ADCY2: variants seen among roughly 807,000 people sequenced by gnomAD.
ADCY2 encodes the protein adenylate cyclase 2.
ADCY2 carries 31 observed loss-of-function variants against 125.2 expected under a neutral mutation model. The observed-to-expected ratio is 0.25, with a 90% CI of 0.19 to 0.33. ADCY2 has a LOEUF of 0.33. Ranked by LOEUF, ADCY2 falls within the 10% of genes least tolerant of loss-of-function variation. The pLI, the probability that ADCY2 is intolerant of heterozygous loss-of-function variation, is 1.00. For synonymous variants in ADCY2, 512 were observed against 548.4 expected (o/e 0.93, Z 0.93); for missense variants, 904 against 1,418.2 (o/e 0.64, Z 5.82).
At chr5:7,633,593 A>G (rs1410398162) in intron 4 of ADCY2, among the ~76,000 whole-genome samples, 3 of 152,234 alleles carry the variant, frequency 2.0e-5, no homozygotes. Context: ...AAATGATAAA[A>G]TTAAACCTTC....
At chr5:7,538,930 C>G (rs1409178912) in intron 3 of ADCY2, among the ~76,000 whole-genome samples, 3 of 144,324 alleles carry the variant, frequency 2.1e-5, no homozygotes, top group Non-Finnish European at 4.5e-5. Flanking sequence ...GTGGCACGAT[C>G]TCAGCTCACT....
chr5:7,424,163 G>A (rs969376507), intron 2 of ADCY2, among the ~76,000 whole-genome samples: 14 of 152,166 alleles, frequency 9.2e-5, no homozygotes, highest in Admixed American at 2.0e-4. Flanking sequence ...TGATCACATC[G>A]CAAAAATTGT....
At chr5:7,410,931 G>A (rs1292153900) in intron 1 of ADCY2, among the ~76,000 whole-genome samples, 2 of 152,068 alleles carry the variant, frequency 1.3e-5, no homozygotes, top group East Asian at 3.9e-4. Context: ...CCATCTGCTG[G>A]GAGCTGGACA....
intron 3 of ADCY2, among the ~76,000 whole-genome samples, chr5:7,606,547 A>G (rs1239502147): frequency 2.0e-5 from 3 of 152,226 alleles, no homozygotes; most frequent in Non-Finnish European, 1.5e-5. Context: ...ATTTAAATGC[A>G]ACATTTATTA....
intron 20 of ADCY2, among the ~76,000 whole-genome samples, chr5:7,790,512 A>G (rs150047829): frequency 6.6e-6 from 1 of 152,362 alleles, no homozygotes; most frequent in Non-Finnish European, 1.5e-5. Flanking sequence ...GAGAAAGCAG[A>G]TATGTCTACA....
chr5:7,521,378 T>C (rs1744440361), intron 3 of ADCY2, among the ~76,000 whole-genome samples: 1 of 152,232 alleles, frequency 6.6e-6, no homozygotes, highest in Non-Finnish European at 1.5e-5. Flanking sequence ...AGTAATTCTT[T>C]AAAATGGTAC....
rs1579558089 is a variant in ADCY2 at position 7,544,818 on chromosome 5, G to A, written c.570+23919G>A. ...GGGAAGTCCCTCCTCCTGGAGACAT[G>A]AGAAAAGGGAATCATGCAGAAATAA... On this transcript the variant is annotated intron_variant, in intron 3 of 24. Transcript: ENST00000338316. Among the ~76,000 whole-genome samples, 3 of 152,316 alleles carry A rather than the reference G, an allele frequency of 2.0e-5. 1 individual carries two copies. The South Asian group carries it at 6.2e-4, about 32-fold the overall frequency.
At chr5:7,748,351 C>G (rs1742694194) in intron 15 of ADCY2, among the ~76,000 whole-genome samples, 1 of 152,062 alleles carries the variant, frequency 6.6e-6, no homozygotes, top group African/African-American at 2.4e-5. Flanking sequence ...ACATCGGATG[C>G]TATTTAGCAT....
intron 2 of ADCY2, among the ~76,000 whole-genome samples, chr5:7,460,487 T>C (rs1218484614): frequency 2.0e-5 from 3 of 152,180 alleles, no homozygotes; most frequent in African/African-American, 7.2e-5. Context: ...GAAATATAAA[T>C]GTAAATGTTC....
intron 14 of ADCY2, among the ~76,000 whole-genome samples, chr5:7,728,311 C>T (rs1003313393): frequency 5.3e-5 from 8 of 152,154 alleles, no homozygotes; most frequent in African/African-American, 1.7e-4. Flanking sequence ...AGCCAAAAAC[C>T]ACTTTTGGGA....
At chr5:7,726,315 C>G (rs1245404090) in intron 13 of ADCY2, among the ~76,000 whole-genome samples, 1 of 152,122 alleles carries the variant, frequency 6.6e-6, no homozygotes, top group Admixed American at 6.5e-5. Flanking sequence ...TGCACTGTAT[C>G]TCACTGATTG....
intron 2 of ADCY2, among the ~76,000 whole-genome samples, chr5:7,506,936 C>T (rs1217825608): frequency 3.7e-4 from 55 of 150,316 alleles, no homozygotes; most frequent in African/African-American, 1.2e-3. Flanking sequence ...TACGGGCACC[C>T]GCCACCATGC....
intron 15 of ADCY2, among the ~76,000 whole-genome samples, chr5:7,753,655 A>G (rs1371459290): frequency 6.6e-6 from 1 of 152,218 alleles, no homozygotes. Flanking sequence ...ATTTTTCTAC[A>G]GAGCTACACA....
intron 2 of ADCY2, among the ~76,000 whole-genome samples, chr5:7,467,720 A>G (rs907858198): frequency 1.3e-5 from 2 of 152,254 alleles, no homozygotes; most frequent in African/African-American, 4.8e-5. Context: ...GAAGACTGTC[A>G]TATTCCTCTC....
intron 2 of ADCY2, among the ~76,000 whole-genome samples, chr5:7,429,203 G>A (rs1012017511): frequency 3.3e-5 from 5 of 152,142 alleles, no homozygotes; most frequent in Admixed American, 6.5e-5. Flanking sequence ...AGTGAGAAGG[G>A]GACATTGCCT....
At position 7,714,204 on chromosome 5, in the gene ADCY2, G is replaced by T. The variant is rs142632484; in HGVS notation, c.1622+1305G>T. On this transcript the variant is annotated intron_variant, in intron 11 of 24. Coordinates refer to ENST00000338316, the MANE Select transcript of ADCY2 (RefSeq NM_020546.3). ...CCATAAGACACCTGGAGACAGCACGGTGCCTCTGGCCAATAAGATGCTGAC... is the reference window on the plus strand; with the variant it reads ...CCATAAGACACCTGGAGACAGCACGTTGCCTCTGGCCAATAAGATGCTGAC... Among the ~76,000 whole-genome samples, 331 of 152,324 alleles carry T rather than the reference G, an allele frequency of 2.2e-3. 3 individuals are homozygous for T. The highest frequency in any genetic ancestry group is 7.6e-3 in the African/African-American group (316 of 41,574).
At chr5:7,464,654 C>T (rs751623867) in intron 2 of ADCY2, among the ~76,000 whole-genome samples, 4 of 151,934 alleles carry the variant, frequency 2.6e-5, no homozygotes, top group Non-Finnish European at 4.4e-5. Context: ...CTGTTATACT[C>T]GATATGCAGT....
chr5:7,590,107 G>C (rs148419001), intron 3 of ADCY2, among the ~76,000 whole-genome samples: 1 of 152,122 alleles, frequency 6.6e-6, no homozygotes, highest in Non-Finnish European at 1.5e-5. Flanking sequence ...AATCAAAGCC[G>C]ACAGGAGCTA....
At chr5:7,727,783 C>A (rs893494004) in intron 14 of ADCY2, among the ~76,000 whole-genome samples, 4 of 151,998 alleles carry the variant, frequency 2.6e-5, no homozygotes, top group African/African-American at 4.8e-5. Context: ...GACCTCTCCC[C>A]GGAGAGACGT....
Sources: gnomAD v4.1 joint callset for allele counts (sites outside exome capture counted in the v4.1 genomes callset) on GRCh38, gnomAD v4.1.1 for gene constraint, MANE v1.5 for transcripts, NCBI Gene and HGNC (gene_info 2026-07-23, HGNC 2026-07-21) for gene names.